CDH13: variants seen among roughly 807,000 people sequenced by gnomAD.
CDH13 encodes cadherin 13, also known as cadherin-13.
Under a neutral mutation model 63.8 loss-of-function variants are expected in CDH13, and 24 were observed. The observed-to-expected ratio is 0.38, with a 90% CI of 0.27 to 0.53. CDH13 has a LOEUF of 0.53. CDH13 is among the 20% of genes least tolerant of loss of function. CDH13 has a pLI of 0.85. For missense variants in CDH13, 1,049 were observed against 903.1 expected (o/e 1.16, Z -2.07); for synonymous variants, 503 against 355.3 (o/e 1.42, Z -4.67).
At chr16:82,926,017 G>T (rs4613059) in intron 2 of CDH13, 88,584 of 151,916 alleles carry the variant, frequency 0.58, 27,551 homozygotes, top group Non-Finnish European at 0.7. Flanking sequence ...AGAGTTGGTG[G>T]AATTCCAGAC....
chr16:83,758,479 G>C (rs1185712259), intron 11 of CDH13, among the ~76,000 whole-genome samples: 1 of 151,980 alleles, frequency 6.6e-6, no homozygotes, highest in Non-Finnish European at 1.5e-5. Flanking sequence ...ATAACAGAAG[G>C]AGCTGCTGCT....
chr16:82,726,587 A>C (rs978369902), intron 1 of CDH13, among the ~76,000 whole-genome samples: 2 of 152,184 alleles, frequency 1.3e-5, no homozygotes, highest in African/African-American at 4.8e-5. Flanking sequence ...GCTTATTTCA[A>C]GCACCGCTTG....
chr16:83,014,085 G>C (rs1465287257), intron 2 of CDH13, among the ~76,000 whole-genome samples: 1 of 148,844 alleles, frequency 6.7e-6, no homozygotes, highest in African/African-American at 2.4e-5. Context: ...AAAGCAAAAA[G>C]AACAAGTAAT....
chr16:83,102,907 CTTTCTTTTTTTTTTTTCTT>C (rs1567831524), intron 3 of CDH13, among the ~76,000 whole-genome samples: 3 of 80,656 alleles, frequency 3.7e-5, no homozygotes, highest in Non-Finnish European at 2.6e-5. Flanking sequence ...GCTAATTAAA[CTTTCTTTTTTTTTTTTCTT>C]TTTCTTTTTT....
At chr16:83,514,778 C>A (rs1011856064) in intron 7 of CDH13, among the ~76,000 whole-genome samples, 1 of 152,158 alleles carries the variant, frequency 6.6e-6, no homozygotes, top group African/African-American at 2.4e-5. Context: ...CACCAGCAAA[C>A]AACTAGAAGC....
In CDH13 at chr16:82,964,019, C is replaced by G. The variant is rs569965754; in HGVS notation, c.158-67991C>G. On this transcript the variant is annotated intron_variant, in intron 2 of 13. Coordinates refer to ENST00000567109, the MANE Select transcript of CDH13 (RefSeq NM_001257.5). The stretch of plus-strand genomic sequence containing the variant: ...CACCAGTGCCCGGTGGAGCTGCGGG[C>G]TTTTGAGACCTCCCGAGTCGCTTTG... 5.6e-4 allele frequency among the ~76,000 whole-genome samples: 86 copies of G among 152,282 alleles called. No individual in the cohort carries two copies. In the East Asian group the frequency reaches 0.011, roughly 20 times the overall value.
intron 3 of CDH13, among the ~76,000 whole-genome samples, chr16:83,051,976 C>T (rs972107690): frequency 6.6e-6 from 1 of 151,858 alleles, no homozygotes; most frequent in Non-Finnish European, 1.5e-5. Flanking sequence ...AACATTAATT[C>T]TCTCATGTCA....
At chr16:82,907,888 A>G (rs1655587092) in intron 2 of CDH13, among the ~76,000 whole-genome samples, 1 of 152,170 alleles carries the variant, frequency 6.6e-6, no homozygotes, top group South Asian at 2.1e-4. Flanking sequence ...AATGCAAACC[A>G]TGGGCTGAGC....
intron 2 of CDH13, among the ~76,000 whole-genome samples, chr16:83,014,830 G>GTATATATA (rs1401091196): frequency 4.2e-5 from 4 of 95,232 alleles, no homozygotes; most frequent in Non-Finnish European, 8.3e-5. Context: ...ATATATATTT[G>GTATATATA]TATATATATT....
At chr16:83,625,519 G>A (rs1419837486) in intron 8 of CDH13, among the ~76,000 whole-genome samples, 1 of 152,178 alleles carries the variant, frequency 6.6e-6, no homozygotes, top group Non-Finnish European at 1.5e-5. Context: ...CTTTCCCCAT[G>A]ACAGGGCTGT....
rs192141347 is a variant in CDH13, at chr16:83,413,985, C to T, written c.781+68979C>T. On this transcript the variant is annotated intron_variant, in intron 6 of 13. Transcript: ENST00000567109. The stretch of plus-strand genomic sequence containing the variant: ...CTCCAGCCTGGGCAATAGAGCGAGA[C>T]TCCATCTCAAAAAAAACAAAAATAC... Among the ~76,000 whole-genome samples, 529 of 144,186 alleles carry T rather than the reference C, an allele frequency of 3.7e-3. 7 individuals carry two copies. Among genetic ancestry groups the T allele is most frequent in the African/African-American group, 0.015 (511 of 34,190 alleles). 94.6% of individuals were successfully genotyped at this position (144,186 alleles called of 152,430 possible). A position where few individuals can be genotyped will look rare whatever the true frequency, so the allele number is the denominator to read the frequency against.
intron 7 of CDH13, among the ~76,000 whole-genome samples, chr16:83,521,413 G>A (rs2074833506): frequency 2.0e-5 from 3 of 152,000 alleles, no homozygotes. Flanking sequence ...TAGAGTAGTA[G>A]CGGCCAGGTG....
intron 8 of CDH13, among the ~76,000 whole-genome samples, chr16:83,649,037 GA>G (rs1486780162): frequency 6.6e-6 from 1 of 152,218 alleles, no homozygotes; most frequent in Non-Finnish European, 1.5e-5. Flanking sequence ...AATTCAAGCT[GA>G]AAGAATTCAC....
chr16:82,688,657 G>A (rs998757055), intron 1 of CDH13, among the ~76,000 whole-genome samples: 1 of 152,170 alleles, frequency 6.6e-6, no homozygotes, highest in Non-Finnish European at 1.5e-5. Context: ...GATATTGTTT[G>A]TAACAAGAAA....
At position 82,857,414 on chromosome 16, in the gene CDH13, G is replaced by A. The variant is rs148195058; in HGVS notation, c.46-948G>A. On this transcript the variant is annotated intron_variant, in intron 1 of 13. Coordinates refer to ENST00000567109, the MANE Select transcript of CDH13 (RefSeq NM_001257.5). ...TGGTAGGTGCTCAGTAGAACCAGTG[G>A]TTGGTTGTTGGGGGGAGGTAATACC... 7.2e-5 allele frequency among the ~76,000 whole-genome samples: 11 copies of A among 152,318 alleles called. No homozygotes were observed. In the East Asian group the frequency reaches 1.9e-3, roughly 27 times the overall value.
intron 2 of CDH13, among the ~76,000 whole-genome samples, chr16:82,871,570 C>A (rs1223652508): frequency 6.6e-6 from 1 of 152,186 alleles, no homozygotes; most frequent in Non-Finnish European, 1.5e-5. Context: ...ACTTGCATGA[C>A]AGTTTTCCTC....
chr16:83,303,773 T>G (rs1417493635), intron 5 of CDH13, among the ~76,000 whole-genome samples: 1 of 152,122 alleles, frequency 6.6e-6, no homozygotes, highest in Non-Finnish European at 1.5e-5. Flanking sequence ...AAGAGCCATA[T>G]TTTGGAGTGT....
At chr16:83,430,173 T>G (rs2072052411) in intron 6 of CDH13, among the ~76,000 whole-genome samples, 1 of 152,208 alleles carries the variant, frequency 6.6e-6, no homozygotes, top group Non-Finnish European at 1.5e-5. Flanking sequence ...AGGGCTCCTG[T>G]GTTCACCACA....
At chr16:83,586,046 G>C (rs1331844246) in intron 7 of CDH13, among the ~76,000 whole-genome samples, 1 of 152,164 alleles carries the variant, frequency 6.6e-6, no homozygotes, top group Non-Finnish European at 1.5e-5. Flanking sequence ...ACCAACTAAG[G>C]TAACCCACCT....
Sources: gnomAD v4.1 joint callset for allele counts (sites outside exome capture counted in the v4.1 genomes callset) on GRCh38, gnomAD v4.1.1 for gene constraint, MANE v1.5 for transcripts, NCBI Gene and HGNC (gene_info 2026-07-23, HGNC 2026-07-21) for gene names.